The following CNBD1 variants were observed in gnomAD, a reference collection of about 807,000 sequenced individuals.
CNBD1 encodes the protein cyclic nucleotide binding domain containing 1.
CNBD1 carries 71 observed loss-of-function variants against 54.4 expected under a neutral mutation model. The observed-to-expected ratio is 1.30, with a 90% CI of 1.08 to 1.59. CNBD1 has a LOEUF of 1.59. CNBD1 is among the 40% of genes most tolerant of loss of function. The probability of loss-of-function intolerance (pLI) is 0.00; values close to 1 mark genes in which losing one functional copy is unlikely to be tolerated. For missense variants in CNBD1, 659 were observed against 518.0 expected (o/e 1.27, Z -2.64); for synonymous variants, 182 against 170.7 (o/e 1.07, Z -0.51).
chr8:87,346,034 C>CT (rs1049241139), intron 8 of CNBD1, among the ~76,000 whole-genome samples: 27 of 150,490 alleles, frequency 1.8e-4, no homozygotes, highest in South Asian at 4.2e-4. Flanking sequence ...GTTTAATTTT[C>CT]TTTTTTTTTC....
At chr8:87,396,265 A>C (rs1377597225) in intron 2 of CNBD1, among the ~76,000 whole-genome samples, 1 of 151,936 alleles carries the variant, frequency 6.6e-6, no homozygotes, top group Non-Finnish European at 1.5e-5. Context: ...GTGTTTGTCT[A>C]TAGTTTCATA....
At chr8:87,080,530 C>T (rs1444226780) in intron 4 of CNBD1, among the ~76,000 whole-genome samples, 1 of 150,630 alleles carries the variant, frequency 6.6e-6, no homozygotes. Flanking sequence ...AAGATTGTGC[C>T]ATTGCACTCC....
At chr8:87,349,638 G>C (rs368462534) in intron 8 of CNBD1, among the ~76,000 whole-genome samples, 1 of 152,214 alleles carries the variant, frequency 6.6e-6, no homozygotes, top group Admixed American at 6.5e-5. Flanking sequence ...GCCTCCCAAA[G>C]TGCTGGGATT....
At chr8:87,428,155 A>G (rs1322249667) in intron 2 of CNBD1, among the ~76,000 whole-genome samples, 1 of 137,616 alleles carries the variant, frequency 7.3e-6, no homozygotes, top group South Asian at 2.2e-4. Context: ...GCAAAAAAAG[A>G]AAAAAAAAAA....
intron 8 of CNBD1, among the ~76,000 whole-genome samples, chr8:87,351,190 G>C (rs769724777): frequency 3.3e-5 from 5 of 152,076 alleles, no homozygotes; most frequent in Non-Finnish European, 7.4e-5. Context: ...GTTCAAACTG[G>C]GCCAATGTGG....
chr8:87,114,729 G>T (rs1421513034), intron 4 of CNBD1, among the ~76,000 whole-genome samples: 2 of 152,108 alleles, frequency 1.3e-5, no homozygotes, highest in Non-Finnish European at 1.5e-5. Context: ...TACCGTGTCT[G>T]CTGTTCTTGG....
At chr8:87,295,862 T>C (rs542050744) in intron 8 of CNBD1, among the ~76,000 whole-genome samples, 1 of 152,118 alleles carries the variant, frequency 6.6e-6, no homozygotes, top group East Asian at 1.9e-4. Flanking sequence ...AAACCAAATA[T>C]GTGAACATTT....
Position 87,036,525 on chromosome 8 carries a change from C to T in CNBD1, c.431+96771C>T, listed in dbSNP as rs181524484. ...AGGAGAATGGCTTGAACCCAGGAGG[C>T]GGAGCTTGCAGTGAGCAGAGATTGT... On this transcript the variant is annotated intron_variant, in intron 4 of 10. Transcript: ENST00000518476. Among the ~76,000 whole-genome samples the T allele has an allele frequency of 2.3e-3, 302 of 132,444 alleles. 1 individual carries two copies. Among genetic ancestry groups the T allele is most frequent in the African/African-American group, 8.1e-3 (290 of 35,624 alleles). 86.9% of individuals were successfully genotyped at this position (132,444 alleles called of 152,430 possible). A position where few individuals can be genotyped will look rare whatever the true frequency, so the allele number is the denominator to read the frequency against.
chr8:87,331,720 A>G (rs1003806097), intron 8 of CNBD1, among the ~76,000 whole-genome samples: 1 of 152,188 alleles, frequency 6.6e-6, no homozygotes, highest in African/African-American at 2.4e-5. Context: ...CCTCACCAGC[A>G]TCTATTGTTG....
At chr8:86,983,180 A>G (rs1808526321) in intron 4 of CNBD1, among the ~76,000 whole-genome samples, 1 of 152,118 alleles carries the variant, frequency 6.6e-6, no homozygotes, top group Non-Finnish European at 1.5e-5. Flanking sequence ...TGCTGTTCTC[A>G]TGATAGTGAA....
intron 10 of CNBD1, among the ~76,000 whole-genome samples, chr8:87,379,428 A>T (rs1811026883): frequency 6.6e-6 from 1 of 151,720 alleles, no homozygotes; most frequent in African/African-American, 2.4e-5. Context: ...CAAAATATAC[A>T]TTTTTTTCAG....
intron 4 of CNBD1, among the ~76,000 whole-genome samples, chr8:86,998,787 AC>A (rs1197335714): frequency 3.3e-5 from 5 of 152,216 alleles, no homozygotes; most frequent in Non-Finnish European, 7.3e-5. Flanking sequence ...AACCAGATCA[AC>A]CAGTGGGTGT....
At chr8:86,912,151 T>C (rs1809109683) in intron 3 of CNBD1, among the ~76,000 whole-genome samples, 1 of 152,190 alleles carries the variant, frequency 6.6e-6, no homozygotes, top group Non-Finnish European at 1.5e-5. Flanking sequence ...ATTTTGACCA[T>C]TTTAGTTCCA....
intron 1 of CNBD1, among the ~76,000 whole-genome samples, chr8:86,869,008 G>C (rs767819900): frequency 7.2e-5 from 11 of 152,060 alleles, no homozygotes; most frequent in Admixed American, 2.0e-4. Flanking sequence ...AAGATGGAGG[G>C]GGGACAAAAG....
At chr8:87,374,750 G>C (rs531883863) in intron 10 of CNBD1, among the ~76,000 whole-genome samples, 1 of 151,758 alleles carries the variant, frequency 6.6e-6, no homozygotes, top group Non-Finnish European at 1.5e-5. Context: ...CTCCAAAATA[G>C]CAGCATCACG....
intron 5 of CNBD1, among the ~76,000 whole-genome samples, chr8:87,216,788 T>G (rs1209329690): frequency 6.6e-6 from 1 of 152,184 alleles, no homozygotes; most frequent in Admixed American, 6.5e-5. Flanking sequence ...TGAATAAAAT[T>G]AAGCTATAGT....
intron 4 of CNBD1, among the ~76,000 whole-genome samples, chr8:87,106,146 T>C (rs1056508605): frequency 6.6e-6 from 1 of 151,538 alleles, no homozygotes; most frequent in Non-Finnish European, 1.5e-5. Flanking sequence ...TCCTTTCTTT[T>C]CTTCTTTTTT....
chr8:87,189,101 AG>A (rs1243699426), intron 4 of CNBD1, among the ~76,000 whole-genome samples: 1 of 152,150 alleles, frequency 6.6e-6, no homozygotes, highest in Admixed American at 6.6e-5. Context: ...ATTAGTTCAA[AG>A]CATCTGTGTA....
At chr8:87,231,745 A>G (rs774503715) in intron 5 of CNBD1, among the ~76,000 whole-genome samples, 11 of 152,134 alleles carry the variant, frequency 7.2e-5, no homozygotes, top group African/African-American at 2.2e-4. Context: ...CTAGGATTCA[A>G]TATTTGTTTC....
Sources: gnomAD v4.1 joint callset for allele counts (sites outside exome capture counted in the v4.1 genomes callset) on GRCh38, gnomAD v4.1.1 for gene constraint, MANE v1.5 for transcripts, NCBI Gene and HGNC (gene_info 2026-07-23, HGNC 2026-07-21) for gene names.